Variants in ERMAP observed in about 807,000 individuals in gnomAD.
The protein encoded by ERMAP is erythroid membrane-associated protein.
In ERMAP, 34 loss-of-function variants were observed where a neutral mutation model predicts 49.5. That is an observed-to-expected ratio of 0.69 (90% CI 0.52 to 0.91). ERMAP has a LOEUF of 0.91. ERMAP is among the 40% of genes least tolerant of loss of function. ERMAP has a pLI of 0.00. For missense variants in ERMAP, 541 were observed against 582.6 expected, an observed-to-expected ratio of 0.93 and a Z score of 0.74; for synonymous variants, 214 against 232.2, an observed-to-expected ratio of 0.92 and a Z score of 0.71.
intron 2 of ERMAP, among the ~76,000 whole-genome samples, chr1:42,826,706 A>C (rs1184608052): frequency 6.6e-6 from 1 of 152,000 alleles, no homozygotes; most frequent in Non-Finnish European, 1.5e-5. Context: ...AAATACAAAA[A>C]TTAGCTGGGC....
chr1:42,837,316 C>CCTG, intron 7 of ERMAP, 126 bp downstream of exon 7: 1 of 1,036,420 alleles, frequency 9.6e-7, no homozygotes, highest in Non-Finnish European at 1.4e-6. Flanking sequence ...CACATATATC[C>CCTG]TCCATTGATA....
In ERMAP at chr1:42,835,006, C is replaced by G. The variant is rs377488718; in HGVS notation, c.434-32C>G. The G allele has an allele frequency of 1.0e-5, 9 of 881,012 alleles. No homozygotes were observed. In the African/African-American group the frequency reaches 1.5e-4, roughly 14 times the overall value. 54.6% of individuals were successfully genotyped at this position (881,012 alleles called of 1,614,324 possible). On this transcript the variant is annotated intron_variant, in intron 4 of 11. Coordinates refer to ENST00000372517, the MANE Select transcript of ERMAP (RefSeq NM_001017922.2). ...ATGCCAGAAGCTCTTAGACATCTCC[C>G]TGAGGTCAGTCGTTGGTGGTTTCTG...
At chr1:42,832,528 G>A (rs1012571262) in intron 4 of ERMAP, among the ~76,000 whole-genome samples, 3 of 151,834 alleles carry the variant, frequency 2.0e-5, no homozygotes, top group South Asian at 2.1e-4. Flanking sequence ...CACCACGCCC[G>A]GCTAATTTTT....
chr1:42,827,058 A>G (rs1030840932), intron 2 of ERMAP, among the ~76,000 whole-genome samples: 3 of 152,358 alleles, frequency 2.0e-5, no homozygotes, highest in Admixed American at 1.3e-4. Context: ...CTAAAATTCT[A>G]TGTCCATGAT....
chr1:42,843,538 G>A lies in ERMAP; in HGVS notation c.*306G>A, dbSNP rs11806407. On this transcript the variant is annotated 3_prime_UTR_variant, in exon 12 of 12. Transcript: ENST00000372517. ...AGCACAGGTTCAGGGAAAAGAGTTC[G>A]CTACTCCAGGGGTTATTTAGAAGAC... is the stretch of plus-strand genomic sequence containing the variant. The A allele has an allele frequency of 6.9e-3, 1,710 of 248,932 alleles. 22 individuals are homozygous for A. Among genetic ancestry groups the A allele is most frequent in the African/African-American group, 0.036 (1,601 of 44,798 alleles). The allele number at this position is 248,932 out of a possible 1,614,324, so 15.4% of individuals were successfully genotyped here.
chr1:42,817,292 G>A, intron 1 of ERMAP, 39 bp downstream of exon 1: 2 of 1,208,996 alleles, frequency 1.7e-6, no homozygotes, highest in South Asian at 1.3e-5. Context: ...ACCCAGCGCT[G>A]CCTGCCCACC....
chr1:42,832,597 C>A (rs1401699577), intron 4 of ERMAP, among the ~76,000 whole-genome samples: 1 of 151,826 alleles, frequency 6.6e-6, no homozygotes, highest in Non-Finnish European at 1.5e-5. Flanking sequence ...AATCTCCCGA[C>A]CTCAGGTGAT....
chr1:42,825,268 T>TCC (rs1654509922), intron 1 of ERMAP, among the ~76,000 whole-genome samples: 1 of 152,160 alleles, frequency 6.6e-6, no homozygotes, highest in Admixed American at 6.5e-5. Flanking sequence ...AGGTGGTTAA[T>TCC]TGGTGGATGT....
intron 4 of ERMAP, among the ~76,000 whole-genome samples, chr1:42,832,524 G>A (rs1447431076): frequency 1.3e-5 from 2 of 151,824 alleles, no homozygotes; most frequent in Non-Finnish European, 2.9e-5. Flanking sequence ...GTGCCACCAC[G>A]CCCGGCTAAT....
At chr1:42,820,085 T>C (rs1323544987) in intron 1 of ERMAP, among the ~76,000 whole-genome samples, 1 of 152,178 alleles carries the variant, frequency 6.6e-6, no homozygotes, top group Non-Finnish European at 1.5e-5. Flanking sequence ...GATTTCCACA[T>C]TGGAAATTAT....
intron 1 of ERMAP, among the ~76,000 whole-genome samples, chr1:42,820,364 C>T (rs904938567): frequency 6.9e-6 from 1 of 145,904 alleles, no homozygotes; most frequent in East Asian, 2.0e-4. Context: ...GGGAAACGTT[C>T]TCTGTGATCA....
chr1:42,820,437 C>T (rs1053470094), intron 1 of ERMAP, among the ~76,000 whole-genome samples: 1 of 145,634 alleles, frequency 6.9e-6, no homozygotes, highest in Non-Finnish European at 1.5e-5. Context: ...GTTGGCCAGG[C>T]TAGTCTTGAA....
chr1:42,823,052 T>C (rs940779413), intron 1 of ERMAP, among the ~76,000 whole-genome samples: 13 of 152,224 alleles, frequency 8.5e-5, no homozygotes, highest in Non-Finnish European at 1.5e-4. Context: ...GCAGTATGTT[T>C]TGTGGTTGAA....
At chr1:42,834,931 G>C in intron 4 of ERMAP, 107 bp from the exon 5 acceptor site, 5 of 722,334 alleles carry the variant, frequency 6.9e-6, no homozygotes, top group Non-Finnish European at 5.1e-6. Flanking sequence ...TCTCTCCCTA[G>C]AGGTGATGGA....
In ERMAP at chr1:42,817,205, C is replaced by G; in HGVS notation, c.-170C>G. 1 of 1,256,298 alleles carries G rather than the reference C, an allele frequency of 8.0e-7. No individual in the cohort carries two copies. Among genetic ancestry groups the G allele is most frequent in the Non-Finnish European group, 1.0e-6 (1 of 974,138 alleles). The allele number at this position is 1,256,298 out of a possible 1,614,324, so 77.8% of individuals were successfully genotyped here. ...GAGTCTGTACCTTTCCCGACCGGGC[C>G]ACTGGAAGTTGGAGCCTCCGCCGAG... On this transcript the variant is annotated 5_prime_UTR_variant, in exon 1 of 12. Transcript: ENST00000372517.
At chr1:42,829,061 T>G (rs1654638254) in intron 2 of ERMAP, among the ~76,000 whole-genome samples, 1 of 152,176 alleles carries the variant, frequency 6.6e-6, no homozygotes, top group Non-Finnish European at 1.5e-5. Context: ...TTTACTTAAC[T>G]TCTCTTGTCC....
At chr1:42,825,496 G>A in intron 1 of ERMAP, 127 bp from the exon 2 acceptor site, 1 of 1,181,110 alleles carries the variant, frequency 8.5e-7, no homozygotes, top group South Asian at 1.6e-5. Flanking sequence ...CTTTTATCAG[G>A]GGCATACAGA....
intron 4 of ERMAP, among the ~76,000 whole-genome samples, chr1:42,831,816 A>G (rs1654749865): frequency 6.6e-6 from 1 of 151,760 alleles, no homozygotes; most frequent in Non-Finnish European, 1.5e-5. Context: ...CAATCCAGCA[A>G]TCCTCCCCGC....
At chr1:42,823,651 T>C (rs2124285435) in intron 1 of ERMAP, among the ~76,000 whole-genome samples, 1 of 152,348 alleles carries the variant, frequency 6.6e-6, no homozygotes, top group East Asian at 1.9e-4. Context: ...GTCAAGCGAT[T>C]ACTTCAGCTC....
Sources: gnomAD v4.1 joint callset for allele counts (sites outside exome capture counted in the v4.1 genomes callset) on GRCh38, gnomAD v4.1.1 for gene constraint, MANE v1.5 for transcripts, NCBI Gene and HGNC (gene_info 2026-07-23, HGNC 2026-07-21) for gene names.